SSBP3: variants seen among roughly 807,000 people sequenced by gnomAD.
The protein encoded by SSBP3 is single-stranded DNA-binding protein 3.
SSBP3 carries 5 observed loss-of-function variants against 69.6 expected under a neutral mutation model. The observed-to-expected ratio is 0.07, with a 90% confidence interval of 0.04 to 0.15. The LOEUF is 0.15. Among genes scored for constraint, SSBP3 ranks in the 10% least tolerant of loss-of-function variants. The probability of loss-of-function intolerance (pLI) is 1.00; values close to 1 mark genes in which losing one functional copy is unlikely to be tolerated. For synonymous variants in SSBP3, 196 were observed against 193.4 expected (o/e 1.01, Z -0.11); for missense variants, 312 against 534.0 (o/e 0.58, Z 4.10).
chr1:54,359,472 A>T (rs1646919236), intron 4 of SSBP3, among the ~76,000 whole-genome samples: 1 of 152,210 alleles, frequency 6.6e-6, no homozygotes, highest in Non-Finnish European at 1.5e-5. Flanking sequence ...TTCACGCTTT[A>T]AAACAGTCTT....
chr1:54,344,931 G>GTA (rs1197529932), intron 4 of SSBP3, among the ~76,000 whole-genome samples: 1 of 152,224 alleles, frequency 6.6e-6, no homozygotes. Flanking sequence ...GTCCACGTGC[G>GTA]TACAGCTGTA....
At chr1:54,260,855 G>A (rs1645006255) in intron 5 of SSBP3, among the ~76,000 whole-genome samples, 1 of 152,344 alleles carries the variant, frequency 6.6e-6, no homozygotes, top group South Asian at 2.1e-4. Context: ...TCTTGGCCCA[G>A]GCCTGCCAGT....
intron 17 of SSBP3, 28 bp from the exon 18 acceptor site, chr1:54,227,188 GGGGT>G: frequency 9.6e-7 from 1 of 1,042,020 alleles, no homozygotes; most frequent in Non-Finnish European, 1.4e-6. Context: ...AGAAGGGGGG[GGGGT>G]GAGGATTGTG....
At chr1:54,294,286 A>AG (rs1267294414) in intron 4 of SSBP3, among the ~76,000 whole-genome samples, 1 of 152,012 alleles carries the variant, frequency 6.6e-6, no homozygotes, top group African/African-American at 2.4e-5. Context: ...CCATTAACTT[A>AG]CCATTTGGCT....
chr1:54,388,175 A>C (rs1648223801), intron 4 of SSBP3, among the ~76,000 whole-genome samples: 1 of 151,962 alleles, frequency 6.6e-6, no homozygotes, highest in African/African-American at 2.4e-5. Flanking sequence ...TACTGAAATG[A>C]TCCAATTCTT....
chr1:54,290,609 C>T (rs967478423), intron 4 of SSBP3, among the ~76,000 whole-genome samples: 5 of 152,304 alleles, frequency 3.3e-5, no homozygotes, highest in South Asian at 4.1e-4. Flanking sequence ...AGGAAGCACC[C>T]GGCTTCTTCT....
Position 54,347,844 on chromosome 1 carries a change from G to A in SSBP3, c.276+54017C>T, listed in dbSNP as rs146135918. 3.0e-3 allele frequency among the ~76,000 whole-genome samples: 464 copies of A among 152,340 alleles called. 1 individual carries two copies. Among genetic ancestry groups the A allele is most frequent in the Non-Finnish European group, 5.5e-3 (373 of 68,034 alleles). ...TAGAACCTTCAGAGGGCATGGCCCT[G>A]CGGGCACCTTCCTCGTGAACTTTCA... On this transcript the variant is annotated intron_variant, in intron 4 of 17. Coordinates refer to ENST00000610401, the Ensembl canonical transcript of SSBP3.
chr1:54,375,852 G>A (rs1455062193), intron 4 of SSBP3, among the ~76,000 whole-genome samples: 3 of 152,350 alleles, frequency 2.0e-5, no homozygotes, highest in East Asian at 1.9e-4. Flanking sequence ...CCTGCCTGCA[G>A]GGAAGCAAAG....
chr1:54,315,195 T>C (rs1274470076), intron 4 of SSBP3, among the ~76,000 whole-genome samples: 2 of 152,242 alleles, frequency 1.3e-5, no homozygotes, highest in Middle Eastern at 3.4e-3. Flanking sequence ...TCTGTACCCA[T>C]TCCTCAAGGC....
At chr1:54,241,033 C>T (rs980484455) in intron 12 of SSBP3, 74 bp from the exon 13 acceptor site, 49 of 1,495,832 alleles carry the variant, frequency 3.3e-5, no homozygotes, top group Non-Finnish European at 4.1e-5. Flanking sequence ...CATCCTCCCT[C>T]CCTGGTCAGC....
At chr1:54,329,894 C>T (rs1362413435) in intron 4 of SSBP3, among the ~76,000 whole-genome samples, 1 of 152,180 alleles carries the variant, frequency 6.6e-6, no homozygotes, top group Non-Finnish European at 1.5e-5. Context: ...GAGAGGAACA[C>T]TGGACTGCTT....
At chr1:54,339,145 T>G (rs1646562272) in intron 4 of SSBP3, among the ~76,000 whole-genome samples, 1 of 152,040 alleles carries the variant, frequency 6.6e-6, no homozygotes, top group African/African-American at 2.4e-5. Flanking sequence ...TATCACCATT[T>G]GGTGCAATCT....
intron 3 of SSBP3, among the ~76,000 whole-genome samples, chr1:54,403,323 C>A (rs764719642): frequency 3.3e-5 from 5 of 152,190 alleles, no homozygotes; most frequent in Non-Finnish European, 5.9e-5. Flanking sequence ...CATCTGCTTA[C>A]CTCCTCCACA....
intron 4 of SSBP3, among the ~76,000 whole-genome samples, chr1:54,295,297 C>T (rs1323414701): frequency 6.6e-6 from 1 of 152,198 alleles, no homozygotes; most frequent in African/African-American, 2.4e-5. Context: ...GGTCCCTCAC[C>T]ACTCCCTCCA....
chr1:54,399,570 T>C (rs1649148254), intron 4 of SSBP3, among the ~76,000 whole-genome samples: 1 of 152,166 alleles, frequency 6.6e-6, no homozygotes, highest in East Asian at 1.9e-4. Flanking sequence ...GATCACAGAA[T>C]GCAGAAAACT....
chr1:54,279,689 A>C (rs1179140537), intron 5 of SSBP3, among the ~76,000 whole-genome samples: 1 of 152,214 alleles, frequency 6.6e-6, no homozygotes, highest in Non-Finnish European at 1.5e-5. Context: ...CCAACTGGAC[A>C]GAACGCCAGT....
At chr1:54,392,618 C>T (rs892020357) in intron 4 of SSBP3, among the ~76,000 whole-genome samples, 1 of 152,182 alleles carries the variant, frequency 6.6e-6, no homozygotes, top group African/African-American at 2.4e-5. Flanking sequence ...CACCACGTGC[C>T]CCTTGTCCAT....
At chr1:54,228,003 C>T (rs1644315921) in intron 17 of SSBP3, among the ~76,000 whole-genome samples, 1 of 152,188 alleles carries the variant, frequency 6.6e-6, no homozygotes, top group African/African-American at 2.4e-5. Flanking sequence ...GCTCTCCCGG[C>T]CGTATCAGCT....
At chr1:54,321,440 T>G (rs1198566675) in intron 4 of SSBP3, among the ~76,000 whole-genome samples, 2 of 152,156 alleles carry the variant, frequency 1.3e-5, no homozygotes, top group Non-Finnish European at 2.9e-5. Context: ...CAGGGCTCCT[T>G]TTACCACACC....
Sources: allele counts gnomAD v4.1 joint callset (sites outside exome capture counted in the v4.1 genomes callset), GRCh38; gene constraint gnomAD v4.1.1; transcripts MANE v1.5; gene names NCBI Gene and HGNC (gene_info 2026-07-23, HGNC 2026-07-21).